The following STON1 variants were observed in gnomAD, a reference collection of about 807,000 sequenced individuals.
The protein encoded by STON1 is stonin 1.
STON1 carries 79 observed loss-of-function variants against 60.9 expected under a neutral mutation model. That is an observed-to-expected ratio of 1.30 (90% CI 1.08 to 1.56). The LOEUF is 1.56. Ranked by LOEUF, STON1 falls within the 40% of genes most tolerant of loss-of-function variation. The pLI is 0.00. For synonymous variants in STON1, 363 were observed against 306.9 expected (o/e 1.18, Z -1.91); for missense variants, 1,166 against 858.9 (o/e 1.36, Z -4.47).
chr2:48,545,334 T>C (rs1462591110), intron 1 of STON1, among the ~76,000 whole-genome samples: 1 of 152,200 alleles, frequency 6.6e-6, no homozygotes, highest in Non-Finnish European at 1.5e-5. Flanking sequence ...CCCCTGCTTG[T>C]CGGTATTGGC....
At chr2:48,586,281 C>T (rs1674201477) in intron 2 of STON1, among the ~76,000 whole-genome samples, 1 of 152,140 alleles carries the variant, frequency 6.6e-6, no homozygotes, top group East Asian at 1.9e-4. Flanking sequence ...CTCATTTACT[C>T]CACAAACATC....
intron 1 of STON1, among the ~76,000 whole-genome samples, chr2:48,571,070 G>C (rs747353040): frequency 3.9e-5 from 6 of 152,086 alleles, no homozygotes; most frequent in Non-Finnish European, 7.4e-5. Flanking sequence ...TGGCCAGGCT[G>C]CTCTTGAACT....
At chr2:48,584,806 G>A (rs370068324) in intron 2 of STON1, among the ~76,000 whole-genome samples, 6 of 152,208 alleles carry the variant, frequency 3.9e-5, no homozygotes, top group African/African-American at 1.4e-4. Flanking sequence ...TTGACTTGAG[G>A]GGCAGCACTG....
At chr2:48,569,414 A>G (rs906879912) in intron 1 of STON1, among the ~76,000 whole-genome samples, 3 of 152,240 alleles carry the variant, frequency 2.0e-5, no homozygotes, top group Non-Finnish European at 2.9e-5. Flanking sequence ...AGGCATTTGT[A>G]GACAGTGTGG....
chr2:48,555,443 A>G (rs1169471256), intron 1 of STON1, among the ~76,000 whole-genome samples: 4 of 64,554 alleles, frequency 6.2e-5, no homozygotes, highest in Admixed American at 1.4e-4. Context: ...CTGGCCGGGC[A>G]GGGGGGCTGA....
intron 1 of STON1, among the ~76,000 whole-genome samples, chr2:48,556,249 G>A (rs1407006600): frequency 0.045 from 1,239 of 27,320 alleles, 70 homozygotes; most frequent in East Asian, 0.26. Context: ...CGGACGGGGC[G>A]GCTGGCCGGG....
chr2:48,592,612 A>ATTATTATTT (rs1382862947), intron 3 of STON1, among the ~76,000 whole-genome samples: 27 of 147,032 alleles, frequency 1.8e-4, no homozygotes, highest in Admixed American at 6.9e-5. Context: ...TATTATTATT[A>ATTATTATTT]TTATTATTAT....
At chr2:48,552,544 C>T (rs944997305) in intron 1 of STON1, among the ~76,000 whole-genome samples, 15 of 152,086 alleles carry the variant, frequency 9.9e-5, no homozygotes, top group African/African-American at 3.6e-4. Flanking sequence ...GGGCAGGTCT[C>T]CTGGGGTCAG....
chr2:48,557,945 AGG>A, intron 1 of STON1, among the ~76,000 whole-genome samples: 1 of 152,232 alleles, frequency 6.6e-6, no homozygotes, highest in East Asian at 1.9e-4. Flanking sequence ...AAAATCTGTC[AGG>A]TGCGGTGGCT....
intron 1 of STON1, among the ~76,000 whole-genome samples, chr2:48,564,563 T>TCTTCTTCTG (rs1558605607): frequency 3.5e-5 from 1 of 28,368 alleles, no homozygotes; most frequent in East Asian, 1.3e-3. Flanking sequence ...TTCTTCTTCT[T>TCTTCTTCTG]CTTCTCCTTC....
chr2:48,566,146 A>G (rs1672931796), intron 1 of STON1, among the ~76,000 whole-genome samples: 1 of 152,100 alleles, frequency 6.6e-6, no homozygotes, highest in African/African-American at 2.4e-5. Context: ...ACCAAACTCA[A>G]TTTCCATTTG....
intron 2 of STON1, among the ~76,000 whole-genome samples, chr2:48,591,067 G>C (rs1447785617): frequency 6.6e-6 from 1 of 151,916 alleles, no homozygotes; most frequent in East Asian, 1.9e-4. Flanking sequence ...CAGTCTAAGA[G>C]AAAGAGGCTT....
At chr2:48,537,254 G>A (rs1671466011) in intron 1 of STON1, among the ~76,000 whole-genome samples, 1 of 152,124 alleles carries the variant, frequency 6.6e-6, no homozygotes, top group East Asian at 1.9e-4. Context: ...TAAGGTTTCA[G>A]TAGATAGTCT....
chr2:48,532,988 TCATG>T (rs1421011015), intron 1 of STON1, among the ~76,000 whole-genome samples: 1 of 152,112 alleles, frequency 6.6e-6, no homozygotes, highest in East Asian at 1.9e-4. Flanking sequence ...GTGTGGTGAT[TCATG>T]CCTGTAACCC....
chr2:48,590,502 C>G (rs1674446986), intron 2 of STON1, among the ~76,000 whole-genome samples: 3 of 152,084 alleles, frequency 2.0e-5, no homozygotes, highest in Admixed American at 6.6e-5. Flanking sequence ...TGAAATTACT[C>G]TTTATCTCAT....
At chr2:48,588,563 C>T (rs959689112) in intron 2 of STON1, among the ~76,000 whole-genome samples, 9 of 152,182 alleles carry the variant, frequency 5.9e-5, no homozygotes, top group African/African-American at 2.2e-4. Context: ...GTTGCTCAGG[C>T]TGGTCTCGAA....
chr2:48,574,010 G>A lies in STON1; in HGVS notation c.-47-6577G>A, dbSNP rs924531960. ...AGAAAGTAGTTTAGTGGTTTCCAGGGCCTGTGGGGAGGGGAGTATGTGGAG... is the reference window on the plus strand; with the variant it reads ...AGAAAGTAGTTTAGTGGTTTCCAGGACCTGTGGGGAGGGGAGTATGTGGAG... On this transcript the variant is annotated intron_variant, in intron 1 of 3. Transcript: ENST00000404752. Among the ~76,000 whole-genome samples, 10 of 152,224 alleles carry A rather than the reference G, an allele frequency of 6.6e-5. No homozygotes were observed. In the East Asian group the frequency reaches 1.7e-3, roughly 26 times the overall value.
intron 1 of STON1, among the ~76,000 whole-genome samples, chr2:48,578,421 T>C (rs1414062650): frequency 6.6e-6 from 1 of 152,054 alleles, no homozygotes; most frequent in Non-Finnish European, 1.5e-5. Context: ...ATGAGATCCT[T>C]TTTTTTCTTT....
At chr2:48,565,171 G>A (rs748079404) in intron 1 of STON1, among the ~76,000 whole-genome samples, 3 of 148,630 alleles carry the variant, frequency 2.0e-5, no homozygotes, top group Non-Finnish European at 4.4e-5. Flanking sequence ...TCCTGCCTCA[G>A]CCTCCCGAGT....
Sources: gnomAD v4.1 joint callset for allele counts (sites outside exome capture counted in the v4.1 genomes callset) on GRCh38, gnomAD v4.1.1 for gene constraint, MANE v1.5 for transcripts, NCBI Gene and HGNC (gene_info 2026-07-23, HGNC 2026-07-21) for gene names.